Variants in SNAPC1 observed in about 807,000 individuals in gnomAD.
The protein encoded by SNAPC1 is snRNA-activating protein complex subunit 1.
A neutral mutation model predicts 50.1 loss-of-function variants in SNAPC1; 42 were observed. That is an observed-to-expected ratio of 0.84 (90% CI 0.65 to 1.08). The LOEUF is 1.08. Ranked by LOEUF, SNAPC1 falls within the 50% of genes least tolerant of loss-of-function variation. The pLI is 0.00. For synonymous variants in SNAPC1, 164 were observed against 144.2 expected, an observed-to-expected ratio of 1.14 and a Z score of -0.98; for missense variants, 477 against 427.3, an observed-to-expected ratio of 1.12 and a Z score of -1.02.
At position 61,767,346 on chromosome 14, in the gene SNAPC1, C is replaced by T; in HGVS notation, c.423C>T (p.Pro141=). ...GAGCATTTCACTTTACAGCAATGCC[C>T]AAATTGGTATGTTGCCTAAAATAAT... ...LDRAFHFTAM[P]KLLSYRMKKK... Residue 141 remains proline (P), a synonymous_variant, in exon 3 of 10, where the codon CCC becomes CCT. Coordinates refer to ENST00000216294, the MANE Select transcript of SNAPC1 (RefSeq NM_003082.4). 6.9e-7 allele frequency: 1 copy of T among 1,456,896 alleles called. No homozygotes were observed. The highest frequency in any genetic ancestry group is 9.1e-7 in the Non-Finnish European group (1 of 1,098,806). 90.2% of individuals were successfully genotyped at this position (1,456,896 alleles called of 1,614,324 possible). A position where few individuals can be genotyped will look rare whatever the true frequency, so the allele number is the denominator to read the frequency against.
At chr14:61,791,034 G>A (rs574849681) in intron 8 of SNAPC1, among the ~76,000 whole-genome samples, 4 of 152,222 alleles carry the variant, frequency 2.6e-5, no homozygotes, top group African/African-American at 9.6e-5. Context: ...CTCCCGAGAT[G>A]GAGTCTTGCT....
chr14:61,792,704 G>A, intron 8 of SNAPC1, 103 bp from the exon 9 acceptor site: 1 of 580,142 alleles, frequency 1.7e-6, no homozygotes, highest in Non-Finnish European at 2.9e-6. Flanking sequence ...GTTTTTACAT[G>A]TCTAATTTTT....
At chr14:61,780,103 T>A (rs1361795158) in intron 7 of SNAPC1, among the ~76,000 whole-genome samples, 1 of 152,208 alleles carries the variant, frequency 6.6e-6, no homozygotes. Context: ...ATCTAACCTC[T>A]AGATTTCTTT....
At chr14:61,791,713 A>G (rs1041564309) in intron 8 of SNAPC1, among the ~76,000 whole-genome samples, 4 of 152,082 alleles carry the variant, frequency 2.6e-5, no homozygotes, top group Non-Finnish European at 5.9e-5. Flanking sequence ...GCTGAGCGTG[A>G]TGGCATTCAC....
chr14:61,765,544 G>T, intron 1 of SNAPC1, among the ~76,000 whole-genome samples: 1 of 152,194 alleles, frequency 6.6e-6, no homozygotes, highest in East Asian at 1.9e-4. Flanking sequence ...TCAGGTCACA[G>T]ATTGGTGATA....
At chr14:61,768,492 A>G (rs1320740137) in intron 3 of SNAPC1, 144 bp from the exon 4 acceptor site, 6 of 543,274 alleles carry the variant, frequency 1.1e-5, no homozygotes, top group Non-Finnish European at 2.0e-5. Context: ...TGGAACGTGG[A>G]TATTTAACAG....
chr14:61,782,241 C>T lies in SNAPC1; in HGVS notation c.826-6C>T. 1 of 1,580,760 alleles carries T rather than the reference C, an allele frequency of 6.3e-7. No individual in the cohort carries two copies. Among genetic ancestry groups the T allele is most frequent in the South Asian group, 1.2e-5 (1 of 85,510 alleles). The stretch of plus-strand genomic sequence containing the variant: ...TTTATTGGTTAATTGGATTGTAACT[C>T]TTAAGGCATCCAAATCAAGAAGGCA... On this transcript the variant is annotated splice_region_variant and splice_polypyrimidine_tract_variant and intron_variant, in intron 7 of 9. Coordinates refer to ENST00000216294, the MANE Select transcript of SNAPC1 (RefSeq NM_003082.4).
intron 8 of SNAPC1, among the ~76,000 whole-genome samples, chr14:61,783,588 T>A (rs1478641484): frequency 7.1e-6 from 1 of 140,702 alleles, no homozygotes; most frequent in African/African-American, 2.7e-5. Flanking sequence ...CAGGCTGAAG[T>A]GCAGTGGCGC....
Position 61,782,258 on chromosome 14 carries a change from A to C in SNAPC1, c.837A>C (p.Ser279=). 6.3e-7 allele frequency: 1 copy of C among 1,594,230 alleles called. No individual in the cohort carries two copies. The highest frequency in any genetic ancestry group is 8.5e-7 in the Non-Finnish European group (1 of 1,174,206). Residue 279 remains serine, a synonymous_variant, in exon 8 of 10, where the codon TCA becomes TCC. Transcript: ENST00000216294. ...TTGTAACTCTTAAGGCATCCAAATC[A>C]AGAAGGCATCGTCAAGTCAAACTCG... ...AFSVVIQASK[S]RRHRQVKLDS... is the part of the protein sequence containing the mutation.
intron 4 of SNAPC1, among the ~76,000 whole-genome samples, chr14:61,771,429 T>A (rs1594644555): frequency 6.6e-6 from 1 of 152,266 alleles, no homozygotes; most frequent in South Asian, 2.1e-4. Flanking sequence ...GGGACTGGGG[T>A]TAGAAATTTG....
chr14:61,794,598 T>C (rs563439808), intron 9 of SNAPC1, among the ~76,000 whole-genome samples: 25 of 152,186 alleles, frequency 1.6e-4, no homozygotes, highest in East Asian at 1.5e-3. Flanking sequence ...TTAGTAGAGA[T>C]GGGGTTTCAC....
intron 8 of SNAPC1, among the ~76,000 whole-genome samples, chr14:61,783,320 C>T (rs574236046): frequency 5.6e-4 from 85 of 151,782 alleles, no homozygotes; most frequent in African/African-American, 8.5e-4. Flanking sequence ...TATGAGCCAC[C>T]GCACGCGGCC....
intron 8 of SNAPC1, among the ~76,000 whole-genome samples, chr14:61,785,250 A>C (rs183600595): frequency 1.2e-4 from 18 of 152,234 alleles, no homozygotes; most frequent in Admixed American, 3.3e-4. Context: ...TGAAAATACA[A>C]AACTAGCTGG....
chr14:61,765,861 G>C (rs115346022), intron 1 of SNAPC1, among the ~76,000 whole-genome samples: 2,600 of 152,232 alleles, frequency 0.017, 87 homozygotes, highest in African/African-American at 0.059. Context: ...CCTTTCTTCT[G>C]ATGAGCTTGC....
chr14:61,788,825 A>G (rs1183060018), intron 8 of SNAPC1, among the ~76,000 whole-genome samples: 2 of 152,224 alleles, frequency 1.3e-5, no homozygotes, highest in African/African-American at 2.4e-5. Flanking sequence ...TCATAAATAT[A>G]AAAGGAAATT....
At chr14:61,765,606 A>G (rs914998041) in intron 1 of SNAPC1, among the ~76,000 whole-genome samples, 3 of 152,192 alleles carry the variant, frequency 2.0e-5, no homozygotes, top group Non-Finnish European at 4.4e-5. Context: ...CAAAGGAGGC[A>G]AATCAGATAT....
In SNAPC1 at chr14:61,767,283, T is replaced by C. The variant is rs2044955397; in HGVS notation, c.360T>C (p.Phe120=). The C allele has an allele frequency of 6.5e-7, 1 of 1,533,650 alleles. No individual in the cohort carries two copies. Among genetic ancestry groups the C allele is most frequent in the Non-Finnish European group, 8.8e-7 (1 of 1,138,810 alleles). The part of the protein sequence containing the change: ...FQQDLVNAQH[F]DAAYIFRKLR... ...AAGATTTAGTAAATGCACAGCATTT[T>C]GATGCAGCTTATATTTTTAGGAAGC... is the stretch of plus-strand genomic sequence containing the variant. Residue 120 remains phenylalanine (F), a synonymous_variant, in exon 3 of 10, where the codon TTT becomes TTC. Coordinates refer to ENST00000216294, the MANE Select transcript of SNAPC1 (RefSeq NM_003082.4).
chr14:61,795,218 G>C lies in SNAPC1; in HGVS notation c.*235G>C. 2.2e-6 allele frequency: 1 copy of C among 454,542 alleles called. No homozygotes were observed. The highest frequency in any genetic ancestry group is 3.3e-5 in the South Asian group (1 of 30,444). 28.2% of individuals were successfully genotyped at this position (454,542 alleles called of 1,614,324 possible). ...TAAATGGAGATAAAACTTGTATTTA[G>C]TATGTAATAGAAAAAATTCTGTTAT... On this transcript the variant is annotated 3_prime_UTR_variant, in exon 10 of 10. Coordinates refer to ENST00000216294, the MANE Select transcript of SNAPC1 (RefSeq NM_003082.4).
chr14:61,789,408 TA>T (rs1192115056), intron 8 of SNAPC1, among the ~76,000 whole-genome samples: 1 of 152,174 alleles, frequency 6.6e-6, no homozygotes, highest in Non-Finnish European at 1.5e-5. Flanking sequence ...ATGAACATAA[TA>T]TATAGCACTG....
Sources: gnomAD v4.1 joint callset for allele counts (sites outside exome capture counted in the v4.1 genomes callset) on GRCh38, gnomAD v4.1.1 for gene constraint, MANE v1.5 for transcripts, NCBI Gene and HGNC (gene_info 2026-07-23, HGNC 2026-07-21) for gene names.